The following UBE2E2 variants were observed in gnomAD, a reference collection of about 807,000 sequenced individuals.
UBE2E2 encodes ubiquitin conjugating enzyme E2 E2, also known as ubiquitin-conjugating enzyme E2 E2.
UBE2E2 carries 6 observed loss-of-function variants against 24.7 expected under a neutral mutation model. That is an observed-to-expected ratio of 0.24 (90% CI 0.13 to 0.48). The LOEUF is 0.48. UBE2E2 is among the 20% of genes least tolerant of loss of function. The pLI is 0.99. For synonymous variants in UBE2E2, 104 were observed against 83.6 expected, an observed-to-expected ratio of 1.24 and a Z score of -1.33; for missense variants, 169 against 245.0, an observed-to-expected ratio of 0.69 and a Z score of 2.07.
intron 3 of UBE2E2, among the ~76,000 whole-genome samples, chr3:23,356,224 G>T (rs1428719606): frequency 6.6e-6 from 1 of 152,152 alleles, no homozygotes; most frequent in African/African-American, 2.4e-5. Flanking sequence ...GAACATTATG[G>T]TATATACCCA....
At chr3:23,344,420 A>G (rs1695489608) in intron 3 of UBE2E2, among the ~76,000 whole-genome samples, 1 of 152,048 alleles carries the variant, frequency 6.6e-6, no homozygotes. Flanking sequence ...CATTAATGTA[A>G]TTTGGGGCAG....
intron 2 of UBE2E2, among the ~76,000 whole-genome samples, chr3:23,212,854 A>C (rs1175307858): frequency 6.6e-6 from 1 of 152,152 alleles, no homozygotes; most frequent in East Asian, 1.9e-4. Flanking sequence ...TCTTAAAATC[A>C]ATGATCTTTC....
chr3:23,310,134 C>G (rs377293922), intron 3 of UBE2E2, among the ~76,000 whole-genome samples: 12 of 152,226 alleles, frequency 7.9e-5, no homozygotes, highest in Admixed American at 2.6e-4. Context: ...TTAAAAATCA[C>G]CACAATATAA....
At chr3:23,343,288 C>A (rs4858069) in intron 3 of UBE2E2, among the ~76,000 whole-genome samples, 83,891 of 151,740 alleles carry the variant, frequency 0.55, 23,421 homozygotes, top group Admixed American at 0.66. Flanking sequence ...AATTTAAAAA[C>A]TTTCTGGCCA....
intron 3 of UBE2E2, among the ~76,000 whole-genome samples, chr3:23,331,675 G>C (rs923678579): frequency 6.6e-5 from 10 of 152,052 alleles, no homozygotes; most frequent in African/African-American, 2.4e-4. Flanking sequence ...GGGACCAGTG[G>C]GAGATTAGAG....
chr3:23,209,591 A>G (rs1696261337), intron 2 of UBE2E2, among the ~76,000 whole-genome samples: 1 of 152,142 alleles, frequency 6.6e-6, no homozygotes, highest in Non-Finnish European at 1.5e-5. Context: ...GTTTTCATAT[A>G]TTTTACATTG....
At chr3:23,387,595 C>A (rs566829275) in intron 3 of UBE2E2, among the ~76,000 whole-genome samples, 1 of 152,174 alleles carries the variant, frequency 6.6e-6, no homozygotes, top group South Asian at 2.1e-4. Context: ...TAAAATTAGT[C>A]CCTGTTATCA....
chr3:23,452,110 A>G (rs1309533335), intron 3 of UBE2E2, among the ~76,000 whole-genome samples: 1 of 152,166 alleles, frequency 6.6e-6, no homozygotes, highest in Non-Finnish European at 1.5e-5. Flanking sequence ...AGTGGGGAAG[A>G]AAAAGGATGG....
intron 5 of UBE2E2, among the ~76,000 whole-genome samples, chr3:23,585,685 G>T (rs117455478): frequency 1.3e-5 from 2 of 152,046 alleles, no homozygotes; most frequent in Admixed American, 6.5e-5. Context: ...GATAAATTTT[G>T]TGGCTTTTCT....
At chr3:23,422,198 C>A (rs772989403) in intron 3 of UBE2E2, among the ~76,000 whole-genome samples, 4 of 152,076 alleles carry the variant, frequency 2.6e-5, no homozygotes, top group Non-Finnish European at 4.4e-5. Context: ...AAGAGAGAAT[C>A]TTTTAAGAGA....
chr3:23,381,353 A>G (rs754947385), intron 3 of UBE2E2, among the ~76,000 whole-genome samples: 2 of 152,220 alleles, frequency 1.3e-5, no homozygotes, highest in Admixed American at 1.3e-4. Context: ...CCAAAATTCC[A>G]ATAAATCTAT....
At chr3:23,458,219 G>C (rs1160468747) in intron 3 of UBE2E2, among the ~76,000 whole-genome samples, 1 of 151,878 alleles carries the variant, frequency 6.6e-6, no homozygotes, top group African/African-American at 2.4e-5. Flanking sequence ...CAGTATTGTT[G>C]CGTCGCAGGG....
chr3:23,500,345 A>C (rs2125456275), intron 4 of UBE2E2, among the ~76,000 whole-genome samples: 1 of 152,316 alleles, frequency 6.6e-6, no homozygotes, highest in African/African-American at 2.4e-5. Context: ...ATGTATGTTC[A>C]TGTCTGATGT....
intron 3 of UBE2E2, among the ~76,000 whole-genome samples, chr3:23,226,833 T>TA (rs1454931542): frequency 1.3e-5 from 2 of 151,988 alleles, no homozygotes; most frequent in Middle Eastern, 3.2e-3. Context: ...AGTTTTGATT[T>TA]AAAAAAATTG....
At chr3:23,355,194 A>G (rs13067467) in intron 3 of UBE2E2, among the ~76,000 whole-genome samples, 1 of 140,874 alleles carries the variant, frequency 7.1e-6, no homozygotes, top group South Asian at 2.5e-4. Context: ...ACACATGGAC[A>G]CAGGAAGGGG....
intron 3 of UBE2E2, among the ~76,000 whole-genome samples, chr3:23,383,873 A>G (rs969231481): frequency 6.6e-5 from 10 of 151,876 alleles, no homozygotes; most frequent in Admixed American, 3.3e-4. Context: ...ATATCCATCA[A>G]TGAAATGCAT....
intron 3 of UBE2E2, among the ~76,000 whole-genome samples, chr3:23,353,905 C>G (rs1559358699): frequency 6.6e-6 from 1 of 152,048 alleles, no homozygotes; most frequent in Non-Finnish European, 1.5e-5. Context: ...TCATATGGAA[C>G]CAAAAAAGAG....
intron 5 of UBE2E2, among the ~76,000 whole-genome samples, chr3:23,576,991 T>A (rs1696362273): frequency 6.6e-6 from 1 of 151,998 alleles, no homozygotes; most frequent in South Asian, 2.1e-4. Context: ...TCCAACAGCG[T>A]GTGCTCTTTC....
chr3:23,346,146 G>A (rs1575575245), intron 3 of UBE2E2, among the ~76,000 whole-genome samples: 1 of 152,076 alleles, frequency 6.6e-6, no homozygotes, highest in East Asian at 1.9e-4. Flanking sequence ...TTCTTTTAAA[G>A]CCAATAAGTA....
Sources: allele counts gnomAD v4.1 joint callset (sites outside exome capture counted in the v4.1 genomes callset), GRCh38; gene constraint gnomAD v4.1.1; transcripts MANE v1.5; gene names NCBI Gene and HGNC (gene_info 2026-07-23, HGNC 2026-07-21).